The following ASIC2 variants were observed in gnomAD, a reference collection of about 807,000 sequenced individuals.
ASIC2 encodes the protein acid-sensing ion channel 2.
A neutral mutation model predicts 57.3 loss-of-function variants in ASIC2; 25 were observed. That is an observed-to-expected ratio of 0.44 (90% CI 0.32 to 0.61). The LOEUF (loss-of-function observed/expected upper bound fraction) is 0.61. ASIC2 is among the 20% of genes least tolerant of loss of function. The pLI is 0.06. For missense variants in ASIC2, 641 were observed against 738.1 expected (o/e 0.87, Z 1.52); for synonymous variants, 319 against 307.5 (o/e 1.04, Z -0.39).
intron 1 of ASIC2, among the ~76,000 whole-genome samples, chr17:33,925,148 A>G (rs1669598857): frequency 6.6e-6 from 1 of 152,268 alleles, no homozygotes; most frequent in African/African-American, 2.4e-5. Flanking sequence ...TGAAGGCAGC[A>G]GATCTGGATT....
At chr17:33,543,053 G>A (rs996973930) in intron 1 of ASIC2, among the ~76,000 whole-genome samples, 6 of 146,856 alleles carry the variant, frequency 4.1e-5, no homozygotes, top group Non-Finnish European at 7.4e-5. Flanking sequence ...ACCAAACACC[G>A]CATATTCTCA....
Position 33,405,596 on chromosome 17 carries a change from G to A in ASIC2, c.556-293529C>T, listed in dbSNP as rs182560972. On this transcript the variant is annotated intron_variant, in intron 1 of 9. Transcript: ENST00000359872. ...CCTCCTGGGTTCAAGCAATTCTCCC[G>A]CCTCAGCCTCCTGAGTAGCTGGGAT... 2.0e-3 allele frequency among the ~76,000 whole-genome samples: 297 copies of A among 150,150 alleles called. 1 individual carries two copies. The highest frequency in any genetic ancestry group is 6.7e-3 in the African/African-American group (273 of 40,776).
chr17:33,575,250 C>G (rs1423902568), intron 1 of ASIC2, among the ~76,000 whole-genome samples: 2 of 152,184 alleles, frequency 1.3e-5, no homozygotes, highest in African/African-American at 4.8e-5. Context: ...GGTAGAGATG[C>G]AAACAGCACT....
At chr17:33,823,128 C>T (rs1912798929) in intron 1 of ASIC2, among the ~76,000 whole-genome samples, 2 of 152,266 alleles carry the variant, frequency 1.3e-5, no homozygotes, top group African/African-American at 4.8e-5. Context: ...CTTTATTCTG[C>T]ACCCTGTTCA....
chr17:33,600,380 C>A (rs1201789929), intron 1 of ASIC2, among the ~76,000 whole-genome samples: 2 of 152,142 alleles, frequency 1.3e-5, no homozygotes, highest in Non-Finnish European at 2.9e-5. Context: ...AACCATGAGC[C>A]AGAGAAATTT....
intron 1 of ASIC2, among the ~76,000 whole-genome samples, chr17:33,462,596 A>T (rs1330773933): frequency 6.6e-6 from 1 of 152,252 alleles, no homozygotes; most frequent in Admixed American, 6.5e-5. Flanking sequence ...ACTTTGTAAC[A>T]GCAGCTTAAC....
At chr17:33,023,746 C>A in intron 6 of ASIC2, 115 bp downstream of exon 6, 1 of 1,395,904 alleles carries the variant, frequency 7.2e-7, no homozygotes, top group Non-Finnish European at 9.9e-7. Flanking sequence ...GGGTGTTCAA[C>A]TAATGTTTGC....
At chr17:33,035,627 A>T (rs2091905954) in intron 3 of ASIC2, among the ~76,000 whole-genome samples, 1 of 152,186 alleles carries the variant, frequency 6.6e-6, no homozygotes, top group African/African-American at 2.4e-5. Context: ...AAGGAACAAC[A>T]CTTCTGGGTT....
chr17:33,890,750 G>T (rs1914941909), intron 1 of ASIC2, among the ~76,000 whole-genome samples: 1 of 152,206 alleles, frequency 6.6e-6, no homozygotes, highest in Non-Finnish European at 1.5e-5. Context: ...GGGAGAAGCT[G>T]CTTTCACTCT....
At chr17:33,307,302 TTC>T (rs869191704) in intron 1 of ASIC2, among the ~76,000 whole-genome samples, 3 of 151,778 alleles carry the variant, frequency 2.0e-5, no homozygotes, top group African/African-American at 7.2e-5. Flanking sequence ...CTTCTTCTTC[TTC>T]TTTTTCTTCT....
At chr17:33,541,055 ATGT>A (rs1166485725) in intron 1 of ASIC2, among the ~76,000 whole-genome samples, 1 of 150,378 alleles carries the variant, frequency 6.6e-6, no homozygotes, top group Non-Finnish European at 1.5e-5. Context: ...CTGACTGGGC[ATGT>A]TGTTTTTTTT....
At chr17:33,270,417 C>T (rs1904437749) in intron 1 of ASIC2, among the ~76,000 whole-genome samples, 1 of 152,206 alleles carries the variant, frequency 6.6e-6, no homozygotes, top group Non-Finnish European at 1.5e-5. Flanking sequence ...CCCTGCCTTG[C>T]TGCCAGAGTG....
intron 1 of ASIC2, among the ~76,000 whole-genome samples, chr17:33,805,030 G>A (rs1371003724): frequency 6.6e-6 from 1 of 151,938 alleles, no homozygotes; most frequent in African/African-American, 2.4e-5. Flanking sequence ...GGTTCCAGAC[G>A]CCCCATAAAA....
In ASIC2 at chr17:33,835,185, CTT is replaced by C. The variant is rs1913239438; in HGVS notation, c.555+320791_555+320792del. On this transcript the variant is annotated intron_variant, in intron 1 of 9. Coordinates refer to the ASIC2 transcript ENST00000359872. ...AGGGGGTTGGCTCTGGGGCCAGACT[CTT>C]TGGGTTCTAGTTCTGGCTGGACCTA... Among the ~76,000 whole-genome samples the C allele has an allele frequency of 3.3e-5, 5 of 152,290 alleles. No individual in the cohort carries two copies. The South Asian group carries it at 8.3e-4, about 25-fold the overall frequency.
chr17:34,064,235 C>G (rs1042163583), intron 1 of ASIC2, among the ~76,000 whole-genome samples: 21 of 152,112 alleles, frequency 1.4e-4, no homozygotes, highest in African/African-American at 5.1e-4. Context: ...TACTTCCAGC[C>G]AACTGACCTT....
intron 1 of ASIC2, among the ~76,000 whole-genome samples, chr17:33,137,389 G>A (rs541082258): frequency 3.3e-5 from 5 of 152,350 alleles, no homozygotes; most frequent in African/African-American, 1.2e-4. Flanking sequence ...CCCTCCAGGG[G>A]CTAGAATTTA....
intron 1 of ASIC2, among the ~76,000 whole-genome samples, chr17:33,693,120 C>G (rs907150152): frequency 6.6e-6 from 1 of 152,110 alleles, no homozygotes; most frequent in Non-Finnish European, 1.5e-5. Flanking sequence ...ACTAAATTCT[C>G]TCATGTATTT....
intron 1 of ASIC2, among the ~76,000 whole-genome samples, chr17:34,131,788 CCT>C (rs1911973680): frequency 6.6e-6 from 1 of 152,194 alleles, no homozygotes; most frequent in Admixed American, 6.5e-5. Context: ...GCCGAGGCCC[CCT>C]GTCCAAATGG....
Position 33,148,719 on chromosome 17 carries a change from G to A in ASIC2, c.709-36652C>T, listed in dbSNP as rs181717117. 5.9e-5 allele frequency among the ~76,000 whole-genome samples: 9 copies of A among 152,250 alleles called. No homozygotes were observed. The East Asian group carries it at 1.7e-3, about 29-fold the overall frequency. ...CCTGCTCAGACCTCAAAAAATATTA[G>A]CTCACAGTATTTTTTAATTATAAAA... On this transcript the variant is annotated intron_variant, in intron 1 of 9. Coordinates refer to ENST00000225823, the MANE Select transcript of ASIC2 (RefSeq NM_183377.2).
Sources: allele counts gnomAD v4.1 joint callset (sites outside exome capture counted in the v4.1 genomes callset), GRCh38; gene constraint gnomAD v4.1.1; transcripts MANE v1.5; gene names NCBI Gene and HGNC (gene_info 2026-07-23, HGNC 2026-07-21).